The following ROBO2 variants were observed in gnomAD, a reference collection of about 807,000 sequenced individuals.
ROBO2 encodes roundabout guidance receptor 2, also known as roundabout homolog 2.
A neutral mutation model predicts 160.8 loss-of-function variants in ROBO2; 53 were observed. The ratio of observed to expected loss-of-function variants is 0.33; its 90% confidence interval spans 0.26 to 0.41. The LOEUF is 0.41. Ranked by LOEUF, ROBO2 falls within the 10% of genes least tolerant of loss-of-function variation. The pLI is 1.00. For missense variants in ROBO2, 1,577 were observed against 1,722.4 expected, an observed-to-expected ratio of 0.92 and a Z score of 1.49; for synonymous variants, 664 against 611.7, an observed-to-expected ratio of 1.09 and a Z score of -1.26.
chr3:76,303,263 A>T (rs891307211), intron 2 of ROBO2, among the ~76,000 whole-genome samples: 1 of 152,160 alleles, frequency 6.6e-6, no homozygotes, highest in Non-Finnish European at 1.5e-5. Context: ...TAGGTTAACT[A>T]TGTGTTAACA....
At chr3:76,098,843 T>A (rs529000298) in intron 2 of ROBO2, among the ~76,000 whole-genome samples, 1 of 152,270 alleles carries the variant, frequency 6.6e-6, no homozygotes, top group East Asian at 1.9e-4. Context: ...TGAAAGCTAT[T>A]ACCTTTCAGC....
rs528647588 is a variant in ROBO2, at chr3:77,075,158, C to T, written c.62-22856C>T. On this transcript the variant is annotated intron_variant, in intron 1 of 25. Transcript: ENST00000461745. ...ATCAGCATTATAATTTATATGTTGA[C>T]ATTCCATATTAGCATTATAGAACAA... Among the ~76,000 whole-genome samples the T allele has an allele frequency of 1.2e-4, 19 of 152,248 alleles. 1 individual carries two copies. The Middle Eastern group carries it at 0.01, about 82-fold the overall frequency.
intron 2 of ROBO2, among the ~76,000 whole-genome samples, chr3:77,231,085 C>A (rs750997401): frequency 3.3e-5 from 5 of 152,022 alleles, no homozygotes; most frequent in Non-Finnish European, 5.9e-5. Context: ...TCCTTCTAGG[C>A]CCATTGCGGT....
Position 76,797,227 on chromosome 3 carries a change from A to C in ROBO2, c.110-300787A>C, listed in dbSNP as rs188685251. 2.0e-4 allele frequency among the ~76,000 whole-genome samples: 30 copies of C among 152,280 alleles called. No homozygotes were observed. The South Asian group carries it at 2.3e-3, about 12-fold the overall frequency. ...AAATAAGTCTTACAAAATCAGAAAA[A>C]CATGATATCATATCAAGATTCTTCT... On this transcript the variant is annotated intron_variant, in intron 2 of 26. Coordinates refer to the ROBO2 transcript ENST00000487694.
At chr3:76,987,100 C>T (rs1439388570) in intron 2 of ROBO2, among the ~76,000 whole-genome samples, 2 of 152,160 alleles carry the variant, frequency 1.3e-5, no homozygotes, top group Non-Finnish European at 2.9e-5. Flanking sequence ...TAATCTCTGT[C>T]GTGATACGCC....
intron 2 of ROBO2, among the ~76,000 whole-genome samples, chr3:76,887,193 C>CCTTTTTTTTT (rs1178064382): frequency 0.012 from 1,455 of 120,182 alleles, 35 homozygotes; most frequent in South Asian, 0.032. Context: ...CTTCAGGAAG[C>CCTTTTTTTTT]ATTTTTTTTT....
intron 2 of ROBO2, among the ~76,000 whole-genome samples, chr3:76,433,234 C>G (rs936972708): frequency 6.6e-6 from 1 of 152,094 alleles, no homozygotes; most frequent in Non-Finnish European, 1.5e-5. Context: ...TACTTACACG[C>G]TATTTATAAG....
chr3:76,796,862 A>C (rs1470129508), intron 2 of ROBO2, among the ~76,000 whole-genome samples: 4 of 152,136 alleles, frequency 2.6e-5, no homozygotes, highest in African/African-American at 9.7e-5. Flanking sequence ...AGCCCCTTAT[A>C]TAATTATAAG....
intron 2 of ROBO2, among the ~76,000 whole-genome samples, chr3:76,021,914 T>A (rs973430815): frequency 2.5e-5 from 3 of 121,328 alleles, no homozygotes; most frequent in Non-Finnish European, 4.8e-5. Flanking sequence ...TCGTGAAAGA[T>A]TTTTTTTTTT....
intron 2 of ROBO2, among the ~76,000 whole-genome samples, chr3:76,498,842 C>T (rs1272018515): frequency 6.6e-6 from 1 of 152,074 alleles, no homozygotes; most frequent in Non-Finnish European, 1.5e-5. Context: ...GAACCCACCA[C>T]CATGCCTGGC....
At chr3:77,418,410 T>C (rs1560779767) in intron 2 of ROBO2, among the ~76,000 whole-genome samples, 1 of 152,132 alleles carries the variant, frequency 6.6e-6, no homozygotes, top group Non-Finnish European at 1.5e-5. Context: ...AATTGTAAGG[T>C]TTTTAAATTA....
intron 21 of ROBO2, among the ~76,000 whole-genome samples, chr3:77,615,328 C>T (rs372873896): frequency 3.3e-5 from 5 of 152,112 alleles, no homozygotes; most frequent in East Asian, 1.9e-4. Flanking sequence ...ACAATTGATG[C>T]GCCTACACTG....
At chr3:77,470,382 T>A (rs369388472) in intron 2 of ROBO2, among the ~76,000 whole-genome samples, 9 of 152,320 alleles carry the variant, frequency 5.9e-5, no homozygotes, top group African/African-American at 2.2e-4. Flanking sequence ...CATTCTGAAC[T>A]AGGGCAGTGG....
intron 2 of ROBO2, among the ~76,000 whole-genome samples, chr3:77,200,756 T>G (rs1441962): frequency 0.33 from 50,785 of 151,918 alleles, 9,971 homozygotes; most frequent in Middle Eastern, 0.53. Context: ...CCATTTTATT[T>G]TCTGAGATGG....
At chr3:76,526,792 C>T (rs2081971725) in intron 2 of ROBO2, among the ~76,000 whole-genome samples, 1 of 151,936 alleles carries the variant, frequency 6.6e-6, no homozygotes, top group Non-Finnish European at 1.5e-5. Context: ...TACATAAATT[C>T]TTTATGACAC....
intron 2 of ROBO2, among the ~76,000 whole-genome samples, chr3:76,396,055 T>C (rs1288094930): frequency 1.3e-5 from 2 of 152,156 alleles, no homozygotes; most frequent in African/African-American, 4.8e-5. Context: ...TTGATGAACA[T>C]TGATGCAAAA....
intron 2 of ROBO2, among the ~76,000 whole-genome samples, chr3:76,567,869 C>T (rs1578205614): frequency 7.3e-6 from 1 of 137,768 alleles, no homozygotes; most frequent in Non-Finnish European, 1.5e-5. Context: ...GGCTGGAGTG[C>T]AATGGGAGGA....
At position 76,008,834 on chromosome 3, in the gene ROBO2, A is replaced by G. The variant is rs1267319504; in HGVS notation, c.109+71232A>G. Among the ~76,000 whole-genome samples, 4 of 152,114 alleles carry G rather than the reference A, an allele frequency of 2.6e-5. 1 individual carries two copies. Among genetic ancestry groups the G allele is most frequent in the Non-Finnish European group, 5.9e-5 (4 of 68,026 alleles). On this transcript the variant is annotated intron_variant, in intron 2 of 26. Coordinates refer to the ROBO2 transcript ENST00000487694. ...AAGCATACGTATTTGTTTAATGTAA[A>G]TTTTACATGACATGTGGACCTTCAG...
Position 76,368,548 on chromosome 3 carries a change from T to G in ROBO2, c.109+430946T>G, listed in dbSNP as rs555437297. 2.2e-4 allele frequency among the ~76,000 whole-genome samples: 33 copies of G among 152,012 alleles called. 1 individual carries two copies. In the South Asian group the frequency reaches 6.6e-3, roughly 31 times the overall value. On this transcript the variant is annotated intron_variant, in intron 2 of 26. Coordinates refer to the ROBO2 transcript ENST00000487694. ...TCAGCTGGGACTGTTGACCACAGTA[T>G]TTACACCTGACCATCTCAGCATGAT...
Sources: allele counts gnomAD v4.1 joint callset (sites outside exome capture counted in the v4.1 genomes callset), GRCh38; gene constraint gnomAD v4.1.1; transcripts MANE v1.5; gene names NCBI Gene and HGNC (gene_info 2026-07-23, HGNC 2026-07-21).